KALRN: variants seen among roughly 807,000 people sequenced by gnomAD.
KALRN encodes kalirin.
KALRN carries 70 observed loss-of-function variants against 353.7 expected under a neutral mutation model. The observed-to-expected ratio is 0.20, with a 90% CI of 0.16 to 0.24. The LOEUF (loss-of-function observed/expected upper bound fraction) is 0.24, where lower values mean the gene tolerates loss of function less well. Among genes scored for constraint, KALRN ranks in the 10% least tolerant of loss-of-function variants. The pLI is 1.00. For synonymous variants in KALRN, 1,391 were observed against 1,434.8 expected (o/e 0.97, Z 0.69); for missense variants, 2,791 against 3,756.7 (o/e 0.74, Z 6.72).
Position 124,325,400 on chromosome 3 carries a change from C to T in KALRN, c.1093-580C>T, listed in dbSNP as rs115471564. On this transcript the variant is annotated intron_variant, in intron 6 of 59. Coordinates refer to ENST00000682506, the MANE Select transcript of KALRN (RefSeq NM_001388419.1). ...TCTTTATTTAAACCCTGTTTGATGA[C>T]CAGTGCCTCAGCTCTTTTGGCAGGG... Among the ~76,000 whole-genome samples the T allele has an allele frequency of 3.7e-3, 562 of 152,250 alleles. 4 individuals carry two copies. The highest frequency in any genetic ancestry group is 0.013 in the African/African-American group (547 of 41,536).
intron 1 of KALRN, among the ~76,000 whole-genome samples, chr3:124,169,543 G>A (rs1403573124): frequency 1.3e-5 from 2 of 152,152 alleles, no homozygotes; most frequent in South Asian, 2.1e-4. Context: ...GAATCCCGGG[G>A]ATTGACAGAG....
intron 1 of KALRN, among the ~76,000 whole-genome samples, chr3:124,109,746 CATAT>C (rs1300658971): frequency 8.0e-5 from 9 of 113,140 alleles, no homozygotes; most frequent in Admixed American, 9.3e-5. Context: ...ATATATATGA[CATAT>C]ATATCATACT....
chr3:124,612,225 C>T (rs958648382), intron 34 of KALRN, among the ~76,000 whole-genome samples: 6 of 150,854 alleles, frequency 4.0e-5, no homozygotes, highest in East Asian at 1.9e-4. Context: ...TTTTTTGAGA[C>T]GGAGTTTTGC....
At chr3:124,324,177 C>T (rs2079636202) in intron 6 of KALRN, among the ~76,000 whole-genome samples, 1 of 152,310 alleles carries the variant, frequency 6.6e-6, no homozygotes, top group East Asian at 1.9e-4. Context: ...ATTCATTTCC[C>T]TCCCTTTCAC....
intron 34 of KALRN, among the ~76,000 whole-genome samples, chr3:124,630,290 T>G (rs1284287673): frequency 2.0e-5 from 3 of 152,208 alleles, no homozygotes; most frequent in African/African-American, 7.2e-5. Context: ...TGGCTTTCCC[T>G]GGACTTGCTC....
intron 1 of KALRN, among the ~76,000 whole-genome samples, chr3:124,089,744 G>T (rs1458392429): frequency 6.6e-6 from 1 of 151,894 alleles, no homozygotes; most frequent in Non-Finnish European, 1.5e-5. Flanking sequence ...AGGGCAGTGA[G>T]GGAGGATGGA....
chr3:124,655,673 T>C lies in KALRN; in HGVS notation c.5862+6T>C, dbSNP rs759773745. The C allele has an allele frequency of 6.2e-7, 1 of 1,612,894 alleles. No homozygotes were observed. The highest frequency in any genetic ancestry group is 8.5e-7 in the Non-Finnish European group (1 of 1,178,904). Reference sequence around the variant, plus strand: ...ATCTGGGCATTGTGGTGGAGGTAAGTAGAGGGTTCCAGGTGGGTCTGTGGT... The same window carrying C: ...ATCTGGGCATTGTGGTGGAGGTAAGCAGAGGGTTCCAGGTGGGTCTGTGGT... On this transcript the variant is annotated splice_donor_region_variant and intron_variant, in intron 39 of 59. Transcript: ENST00000682506.
At position 124,442,744 on chromosome 3, in the gene KALRN, G is replaced by A. The variant is rs188181121; in HGVS notation, c.3313+685G>A. Among the ~76,000 whole-genome samples the A allele has an allele frequency of 9.5e-3, 1,443 of 152,256 alleles. 9 individuals carry two copies. The highest frequency in any genetic ancestry group is 0.02 in the Admixed American group (312 of 15,300). On this transcript the variant is annotated intron_variant, in intron 19 of 59. Coordinates refer to ENST00000682506, the MANE Select transcript of KALRN (RefSeq NM_001388419.1). The stretch of plus-strand genomic sequence containing the variant: ...TCAGAAACTGCATTTTGGCACTTTG[G>A]GAGGCTGAGATGGGAGGGTTGCTTG...
intron 33 of KALRN, among the ~76,000 whole-genome samples, chr3:124,533,792 G>T (rs942276177): frequency 3.3e-5 from 5 of 152,144 alleles, no homozygotes; most frequent in Non-Finnish European, 7.3e-5. Flanking sequence ...CTCTCCAAAA[G>T]GTGAAGCATA....
intron 1 of KALRN, among the ~76,000 whole-genome samples, chr3:124,080,379 A>C (rs1179067638): frequency 6.6e-6 from 1 of 152,194 alleles, no homozygotes; most frequent in East Asian, 1.9e-4. Flanking sequence ...TGAACTCCAT[A>C]CCAACTCAGT....
At chr3:124,405,643 T>G (rs901838219) in intron 13 of KALRN, among the ~76,000 whole-genome samples, 1 of 141,330 alleles carries the variant, frequency 7.1e-6, no homozygotes, top group East Asian at 2.1e-4. Flanking sequence ...TCAGGGTTTT[T>G]TTTTTTTTTT....
intron 33 of KALRN, among the ~76,000 whole-genome samples, chr3:124,521,426 A>G (rs531651650): frequency 1.1e-4 from 17 of 152,176 alleles, no homozygotes; most frequent in Admixed American, 2.0e-4. Flanking sequence ...CTAGTTGCCC[A>G]AGCAATTTGC....
chr3:124,197,324 A>G (rs1375577023), intron 1 of KALRN, among the ~76,000 whole-genome samples: 2 of 152,210 alleles, frequency 1.3e-5, no homozygotes, highest in South Asian at 2.1e-4. Context: ...CTGCAGGTGC[A>G]TTATTCAAGA....
intron 5 of KALRN, among the ~76,000 whole-genome samples, chr3:124,277,264 CTTTACGGGGTGGTTGTAA>C (rs2074844078): frequency 6.6e-6 from 1 of 152,148 alleles, no homozygotes. Flanking sequence ...AGGGCAAGGC[CTTTACGGGGTGGTTGTAA>C]TTTCCTGCTT....
intron 5 of KALRN, among the ~76,000 whole-genome samples, chr3:124,273,862 C>T (rs1486482276): frequency 2.6e-5 from 4 of 152,292 alleles, no homozygotes; most frequent in East Asian, 1.9e-4. Context: ...CCACTGTATT[C>T]GCAGAACACA....
intron 1 of KALRN, among the ~76,000 whole-genome samples, chr3:124,211,900 T>G (rs2076931882): frequency 6.6e-6 from 1 of 152,190 alleles, no homozygotes; most frequent in Non-Finnish European, 1.5e-5. Context: ...TGTGCCTTTT[T>G]GGGAAGGCTT....
intron 3 of KALRN, among the ~76,000 whole-genome samples, chr3:124,259,816 G>T (rs941677412): frequency 3.9e-5 from 6 of 152,200 alleles, no homozygotes; most frequent in African/African-American, 1.4e-4. Context: ...TAAAGAGAAG[G>T]GGTATAAAGA....
At chr3:124,591,852 T>G (rs945991512) in intron 34 of KALRN, among the ~76,000 whole-genome samples, 5 of 152,204 alleles carry the variant, frequency 3.3e-5, no homozygotes, top group Non-Finnish European at 5.9e-5. Context: ...AGTGCCTCAG[T>G]GCTGTGGAGT....
At chr3:124,258,057 C>T (rs1212943988) in intron 3 of KALRN, among the ~76,000 whole-genome samples, 1 of 152,136 alleles carries the variant, frequency 6.6e-6, no homozygotes. Flanking sequence ...GTCATTTGAG[C>T]ACAGTGAATG....
Sources: allele counts gnomAD v4.1 joint callset (sites outside exome capture counted in the v4.1 genomes callset), GRCh38; gene constraint gnomAD v4.1.1; transcripts MANE v1.5; gene names NCBI Gene and HGNC (gene_info 2026-07-23, HGNC 2026-07-21).